Variants in EXT1 observed in about 807,000 individuals in gnomAD.
The protein encoded by EXT1 is exostosin-1.
Under a neutral mutation model 82.5 loss-of-function variants are expected in EXT1, and 20 were observed. That is an observed-to-expected ratio of 0.24 (90% CI 0.17 to 0.35). The LOEUF is 0.35. Among genes scored for constraint, EXT1 ranks in the 10% least tolerant of loss-of-function variants. The pLI is 1.00. For missense variants in EXT1, 757 were observed against 936.5 expected (o/e 0.81, Z 2.50); for synonymous variants, 348 against 350.8 (o/e 0.99, Z 0.09).
At chr8:117,894,278 A>G (rs1471720437) in intron 1 of EXT1, among the ~76,000 whole-genome samples, 2 of 151,986 alleles carry the variant, frequency 1.3e-5, no homozygotes, top group Non-Finnish European at 1.5e-5. Context: ...AGTTCAAGCA[A>G]TCCTTCTGCC....
At chr8:117,949,408 T>G (rs1302314355) in intron 1 of EXT1, among the ~76,000 whole-genome samples, 1 of 151,468 alleles carries the variant, frequency 6.6e-6, no homozygotes, top group African/African-American at 2.4e-5. Flanking sequence ...AGAGAGAAAG[T>G]TGACATATTT....
intron 10 of EXT1, among the ~76,000 whole-genome samples, chr8:117,804,296 G>C (rs546956094): frequency 2.0e-5 from 3 of 152,258 alleles, no homozygotes; most frequent in African/African-American, 7.2e-5. Context: ...TGAGCAGAGG[G>C]CTATCTATGA....
intron 1 of EXT1, among the ~76,000 whole-genome samples, chr8:117,924,604 T>G (rs1200250355): frequency 6.6e-6 from 1 of 152,140 alleles, no homozygotes; most frequent in Non-Finnish European, 1.5e-5. Flanking sequence ...AGAAAAATAA[T>G]TATCACTACA....
chr8:117,969,135 A>C (rs1327523481), intron 1 of EXT1, among the ~76,000 whole-genome samples: 1 of 152,228 alleles, frequency 6.6e-6, no homozygotes. Context: ...GCAGGGTCCA[A>C]ATCTTTTATG....
intron 1 of EXT1, among the ~76,000 whole-genome samples, chr8:117,976,771 T>C (rs761953109): frequency 1.7e-4 from 26 of 152,206 alleles, no homozygotes; most frequent in Non-Finnish European, 3.8e-4. Flanking sequence ...CTCAGTCTCA[T>C]AGAAGATTTA....
chr8:117,831,471 C>T (rs1812097169), intron 3 of EXT1: 1 of 411,798 alleles, frequency 2.4e-6, no homozygotes, highest in Admixed American at 2.8e-5. Flanking sequence ...AAATGTACTT[C>T]CTGAGTCTGG....
chr8:117,885,132 C>G (rs1813124690), intron 1 of EXT1, among the ~76,000 whole-genome samples: 1 of 152,118 alleles, frequency 6.6e-6, no homozygotes. Flanking sequence ...TACAGCCTAC[C>G]TATCAATATA....
At position 117,972,899 on chromosome 8, in the gene EXT1, A is replaced by G. The variant is rs193298621; in HGVS notation, c.963-135698T>C. Among the ~76,000 whole-genome samples, 352 of 152,280 alleles carry G rather than the reference A, an allele frequency of 2.3e-3. 6 individuals are homozygous for G. Among genetic ancestry groups the G allele is most frequent in the Admixed American group, 0.019 (290 of 15,294 alleles). ...TACCCCTATGATTCAATTACCTCCC[A>G]CCAGATCCCTCCCATGACACATGGG... On this transcript the variant is annotated intron_variant, in intron 1 of 10. Coordinates refer to ENST00000378204, the MANE Select transcript of EXT1 (RefSeq NM_000127.3).
intron 1 of EXT1, among the ~76,000 whole-genome samples, chr8:117,929,053 A>G (rs144588773): frequency 1.3e-5 from 2 of 152,282 alleles, no homozygotes; most frequent in African/African-American, 4.8e-5. Context: ...AGTTTCTTCA[A>G]TTGGGGTGAT....
intron 9 of EXT1, among the ~76,000 whole-genome samples, chr8:117,806,566 T>A (rs1372987449): frequency 6.6e-6 from 1 of 152,240 alleles, no homozygotes; most frequent in Non-Finnish European, 1.5e-5. Context: ...GTCTCCTCGA[T>A]GGTTCTCCAG....
chr8:117,870,511 C>A (rs1417428837), intron 1 of EXT1, among the ~76,000 whole-genome samples: 1 of 151,698 alleles, frequency 6.6e-6, no homozygotes, highest in Admixed American at 6.6e-5. Flanking sequence ...TGATGTTGAT[C>A]TTGGGTGCAC....
chr8:118,047,431 C>G (rs185190819), intron 1 of EXT1, among the ~76,000 whole-genome samples: 37 of 152,224 alleles, frequency 2.4e-4, no homozygotes, highest in African/African-American at 8.4e-4. Context: ...CATCAAAGTT[C>G]TTAGAACAGG....
At chr8:118,108,801 G>T (rs1180991108) in intron 1 of EXT1, among the ~76,000 whole-genome samples, 2 of 152,192 alleles carry the variant, frequency 1.3e-5, no homozygotes, top group Non-Finnish European at 2.9e-5. Context: ...TTCAAGGCCA[G>T]TTTCCCACCA....
intron 1 of EXT1, among the ~76,000 whole-genome samples, chr8:117,925,147 G>A (rs1167756759): frequency 6.6e-6 from 1 of 152,176 alleles, no homozygotes; most frequent in Admixed American, 6.5e-5. Flanking sequence ...GGCTGGAAAT[G>A]GGAATGCATT....
chr8:117,827,815 A>AAAAAAAAAAAAAAAAT (rs1812032328), intron 4 of EXT1, among the ~76,000 whole-genome samples: 2 of 133,544 alleles, frequency 1.5e-5, no homozygotes, highest in African/African-American at 5.3e-5. Flanking sequence ...AAAAAAAAAA[A>AAAAAAAAAAAAAAAAT]TCTTAACATT....
At chr8:117,851,755 G>T (rs1250884445) in intron 1 of EXT1, among the ~76,000 whole-genome samples, 1 of 152,022 alleles carries the variant, frequency 6.6e-6, no homozygotes, top group Non-Finnish European at 1.5e-5. Flanking sequence ...CACAGTGCTG[G>T]ATAAAATAAT....
At chr8:118,052,401 T>C (rs1027765769) in intron 1 of EXT1, among the ~76,000 whole-genome samples, 16 of 152,384 alleles carry the variant, frequency 1.0e-4, no homozygotes, top group African/African-American at 3.8e-4. Context: ...TGTTATTCTA[T>C]TCTAGTTTTG....
intron 1 of EXT1, among the ~76,000 whole-genome samples, chr8:117,842,893 C>T (rs1812295319): frequency 6.6e-6 from 1 of 152,204 alleles, no homozygotes; most frequent in Non-Finnish European, 1.5e-5. Flanking sequence ...CTGCTTTTTG[C>T]TAACCAAAGA....
At chr8:117,819,056 T>C (rs1811876638) in intron 6 of EXT1, among the ~76,000 whole-genome samples, 1 of 152,236 alleles carries the variant, frequency 6.6e-6, no homozygotes, top group South Asian at 2.1e-4. Context: ...GACTTTATAA[T>C]TTCCAATAAA....
Sources: allele counts gnomAD v4.1 joint callset (sites outside exome capture counted in the v4.1 genomes callset), GRCh38; gene constraint gnomAD v4.1.1; transcripts MANE v1.5; gene names NCBI Gene and HGNC (gene_info 2026-07-23, HGNC 2026-07-21).